Variants in MPDZ observed in about 807,000 individuals in gnomAD.
MPDZ encodes the protein multiple PDZ domain crumbs cell polarity complex component.
A neutral mutation model predicts 239.1 loss-of-function variants in MPDZ; 234 were observed. The ratio of observed to expected loss-of-function variants is 0.98; its 90% CI spans 0.88 to 1.09. MPDZ has a LOEUF of 1.09. Ranked by LOEUF, MPDZ falls within the 50% of genes least tolerant of loss-of-function variation. The pLI is 0.00. For synonymous variants in MPDZ, 1,048 were observed against 881.3 expected (o/e 1.19, Z -3.35); for missense variants, 3,175 against 2,510.0 (o/e 1.26, Z -5.66).
intron 1 of MPDZ, among the ~76,000 whole-genome samples, chr9:13,265,749 A>C (rs566334304): frequency 5.9e-4 from 89 of 151,900 alleles, no homozygotes; most frequent in African/African-American, 2.2e-3. Flanking sequence ...TGACTTTGTG[A>C]GATCTCGATG....
At chr9:13,160,830 T>TTATACATATATATATA (rs1161748804) in intron 23 of MPDZ, among the ~76,000 whole-genome samples, 2 of 37,978 alleles carry the variant, frequency 5.3e-5, no homozygotes, top group Non-Finnish European at 5.3e-5. Flanking sequence ...ATTATTAAAA[T>TTATACATATATATATA]TATATATATA....
chr9:13,251,623 T>C (rs1968038106), intron 1 of MPDZ, among the ~76,000 whole-genome samples: 1 of 152,210 alleles, frequency 6.6e-6, no homozygotes, highest in Admixed American at 6.5e-5. Flanking sequence ...ATGGAATTTC[T>C]CTTAGAAAGA....
chr9:13,122,078 A>G lies in MPDZ; in HGVS notation c.5037+9T>C. 1.2e-6 allele frequency: 2 copies of G among 1,613,522 alleles called. No individual in the cohort carries two copies. The highest frequency in any genetic ancestry group is 1.7e-6 in the Non-Finnish European group (2 of 1,179,536). The stretch of plus-strand genomic sequence containing the variant: ...TTAATTTTGAAGGTCAAAAACAGGC[A>G]TTCTATACCTCTAAGATCTGATCTC... On this transcript the variant is annotated intron_variant, in intron 37 of 46. Transcript: ENST00000319217.
chr9:13,146,800 T>C (rs554669458), intron 26 of MPDZ, among the ~76,000 whole-genome samples: 1 of 152,178 alleles, frequency 6.6e-6, no homozygotes, highest in Non-Finnish European at 1.5e-5. Flanking sequence ...AGTTTTAAAC[T>C]CTTGGCATAA....
Position 13,197,799 on chromosome 9 carries a change from C to G in MPDZ, c.1547-1569G>C, listed in dbSNP as rs191788645. ...CCTCTGGTCATTCTACTCTCTATTT[C>G]CAGAAATCAACTTTTTAAGCGCCCA... On this transcript the variant is annotated intron_variant, in intron 12 of 46. Coordinates refer to ENST00000319217, the MANE Select transcript of MPDZ (RefSeq NM_001378778.1). 2.0e-3 allele frequency among the ~76,000 whole-genome samples: 310 copies of G among 152,066 alleles called. 2 individuals are homozygous for G. The South Asian group carries it at 0.023, about 11-fold the overall frequency.
In MPDZ at chr9:13,217,286, AG is replaced by A; in HGVS notation, c.1094del (p.Ala365ValfsTer14). ...CACTTTCTTCACCTTTCTGAGTAGA[AG>A]CATCAACCTAAAATAAAATCAATAA... The part of the protein sequence containing the change: ...PTSTPELRVD[A>X]STQKGEESET... On this transcript the variant is annotated frameshift_variant, in exon 9 of 47. Coordinates refer to ENST00000319217, the MANE Select transcript of MPDZ (RefSeq NM_001378778.1). LOFTEE classifies it high-confidence loss of function. The A allele has an allele frequency of 6.3e-7, 1 of 1,583,948 alleles. No individual in the cohort carries two copies. The highest frequency in any genetic ancestry group is 1.3e-5 in the African/African-American group (1 of 74,312).
At chr9:13,239,117 C>G (rs1205956278) in intron 3 of MPDZ, among the ~76,000 whole-genome samples, 1 of 152,174 alleles carries the variant, frequency 6.6e-6, no homozygotes, top group South Asian at 2.1e-4. Flanking sequence ...CTTAATATCA[C>G]CTACTAATAA....
intron 3 of MPDZ, among the ~76,000 whole-genome samples, chr9:13,234,868 A>G (rs905850969): frequency 6.6e-6 from 1 of 151,948 alleles, no homozygotes; most frequent in Non-Finnish European, 1.5e-5. Context: ...GGACAAAAAC[A>G]TGTGCTTTTT....
chr9:13,222,265 C>A lies in MPDZ; in HGVS notation c.715G>T (p.Ala239Ser). 6.2e-7 allele frequency: 1 copy of A among 1,612,556 alleles called. No homozygotes were observed. The highest frequency in any genetic ancestry group is 8.5e-7 in the Non-Finnish European group (1 of 1,179,084). The change falls in exon 6 of 47, where the codon GCA (alanine) becomes TCA (serine). Residue 239 changes from alanine (A) to serine (S), a missense_variant. Transcript: ENST00000319217. ...GAGTGAGCTGAAATTGTGCTGGCTG[C>A]AGATGGAGAACGGGAAACTATGGGG... is the stretch of plus-strand genomic sequence containing the variant. The part of the protein sequence containing the change: ...VSPIVSRSPS[A>S]ASTISAHSNP...
At chr9:13,204,871 A>G (rs1043420390) in intron 12 of MPDZ, among the ~76,000 whole-genome samples, 165 bp downstream of exon 12, 1 of 152,206 alleles carries the variant, frequency 6.6e-6, no homozygotes, top group Non-Finnish European at 1.5e-5. Flanking sequence ...TTTAATCCAT[A>G]AGACCACTTA....
intron 1 of MPDZ, among the ~76,000 whole-genome samples, chr9:13,253,137 G>GA (rs1277372389): frequency 6.7e-6 from 1 of 149,352 alleles, no homozygotes; most frequent in East Asian, 2.0e-4. Context: ...TCCTAATTGA[G>GA]AAAAACACTG....
chr9:13,220,628 G>A (rs188715316), intron 7 of MPDZ, among the ~76,000 whole-genome samples: 2 of 151,886 alleles, frequency 1.3e-5, no homozygotes, highest in African/African-American at 4.8e-5. Context: ...TTATATTACC[G>A]TTAACACCCC....
In MPDZ at chr9:13,221,422, C is replaced by G; in HGVS notation, c.826G>C (p.Ala276Pro). 1 of 1,611,360 alleles carries G rather than the reference C, an allele frequency of 6.2e-7. No homozygotes were observed. Among genetic ancestry groups the G allele is most frequent in the Non-Finnish European group, 8.5e-7 (1 of 1,178,348 alleles). The change falls in exon 7 of 47, where the codon GCA (alanine) becomes CCA (proline). Residue 276 changes from alanine to proline, a missense_variant. Transcript: ENST00000319217. ...ATGGTTTTTACTATCACACCAGTTG[C>G]TTTTCCTCCTATGATGCCAAATCCC... The part of the protein sequence containing the change: ...GLGFGIIGGK[A>P]TGVIVKTILP...
intron 3 of MPDZ, among the ~76,000 whole-genome samples, chr9:13,233,416 CA>C (rs1963091801): frequency 6.6e-6 from 1 of 152,024 alleles, no homozygotes; most frequent in Non-Finnish European, 1.5e-5. Flanking sequence ...AGGCACAAAG[CA>C]TATATGCTCA....
rs1306375880 is a variant in MPDZ at position 13,109,054 on chromosome 9, G to A, written c.5948C>T (p.Pro1983Leu). The part of the protein sequence containing the change: ...SSIFQDDLGP[P>L]QCKSITLERG... Reference sequence around the variant, plus strand: ...CTCTAGTGTAATAGACTTACATTGAGGAGGTCTACGGTGAAGGAAAGGAAA... The same window carrying A: ...CTCTAGTGTAATAGACTTACATTGAAGAGGTCTACGGTGAAGGAAAGGAAA... The change falls in exon 46 of 47, where the codon CCT becomes CTT. Residue 1983 changes from proline (P) to leucine (L), a missense_variant. Transcript: ENST00000319217. 1.4e-6 allele frequency: 2 copies of A among 1,443,914 alleles called. No homozygotes were observed. The highest frequency in any genetic ancestry group is 1.8e-6 in the Non-Finnish European group (2 of 1,094,262). The allele number at this position is 1,443,914 out of a possible 1,614,324, so 89.4% of individuals were successfully genotyped here.
At chr9:13,197,547 T>C (rs1342190324) in intron 12 of MPDZ, among the ~76,000 whole-genome samples, 1 of 152,184 alleles carries the variant, frequency 6.6e-6, no homozygotes, top group African/African-American at 2.4e-5. Context: ...TAATGTGTAA[T>C]GATCAAATAC....
Position 13,110,657 on chromosome 9 carries a change from T to C in MPDZ, c.5808A>G (p.Ala1936=). 2 of 1,613,650 alleles carry C rather than the reference T, an allele frequency of 1.2e-6. No individual in the cohort carries two copies. Among genetic ancestry groups the C allele is most frequent in the Non-Finnish European group, 1.7e-6 (2 of 1,179,720 alleles). ...HTQAVNLLKN[A]SGSIEMQVVA... The stretch of plus-strand genomic sequence containing the variant: ...TTACCTGCATTTCAATGGAGCCAGA[T>C]GCATTTTTCAGTAGGTTAACTGCTT... Residue 1936 remains alanine, a synonymous_variant, in exon 44 of 47, where the codon GCA becomes GCG. Transcript: ENST00000319217.
chr9:13,214,938 A>G (rs897612901), intron 10 of MPDZ, among the ~76,000 whole-genome samples: 1 of 151,996 alleles, frequency 6.6e-6, no homozygotes, highest in African/African-American at 2.4e-5. Context: ...TGTGGACTTA[A>G]AGGGAGAGAT....
rs80153386 is a variant in MPDZ, at chr9:13,261,744, G to A, written c.-57-11372C>T. 2.8e-3 allele frequency among the ~76,000 whole-genome samples: 426 copies of A among 151,834 alleles called. 4 individuals carry two copies. Among genetic ancestry groups the A allele is most frequent in the African/African-American group, 8.4e-3 (346 of 41,382 alleles). On this transcript the variant is annotated intron_variant, in intron 1 of 46. Transcript: ENST00000319217. ...ACATAAATCCACTGTTAAAACAAAG[G>A]TAACTGACAGAGTATGGTGGCTCAT... is the stretch of plus-strand genomic sequence containing the variant.
Sources: allele counts gnomAD v4.1 joint callset (sites outside exome capture counted in the v4.1 genomes callset), GRCh38; gene constraint gnomAD v4.1.1; transcripts MANE v1.5; gene names NCBI Gene and HGNC (gene_info 2026-07-23, HGNC 2026-07-21).